The following ARHGAP6 variants were observed in gnomAD, a reference collection of about 807,000 sequenced individuals.
ARHGAP6 encodes the protein rho GTPase-activating protein 6.
ARHGAP6 carries 16 observed loss-of-function variants against 55.7 expected under a neutral mutation model. The ratio of observed to expected loss-of-function variants is 0.29; its 90% CI spans 0.19 to 0.44. The LOEUF is 0.44. ARHGAP6 is among the 20% of genes least tolerant of loss of function. The pLI is 1.00. For synonymous variants in ARHGAP6, 382 were observed against 360.9 expected (o/e 1.06, Z -0.66); for missense variants, 698 against 808.9 (o/e 0.86, Z 1.66).
Position 11,139,293 on chromosome X carries a change from C to T in ARHGAP6, c.2495G>A (p.Arg832Gln), listed in dbSNP as rs946985630. 8.4e-6 allele frequency: 10 copies of T among 1,186,167 alleles called. No homozygotes were observed. The highest frequency in any genetic ancestry group is 1.8e-5 in the African/African-American group (1 of 56,973). Reference protein sequence around the residue: ...PHVQVAGKAERPTARSEQYLT... With the variant: ...PHVQVAGKAEQPTARSEQYLT... The stretch of plus-strand genomic sequence containing the variant: ...GTACTGCTCCGACCTGGCCGTGGGC[C>T]GCTCGGCTTTCCCTGCCACCTGGAC... The change falls in exon 13 of 13, where the codon CGG (arginine) becomes CAG (glutamine). Residue 832 changes from arginine (R) to glutamine (Q), a missense_variant. Arg to Gln is a conservative substitution (Grantham distance 43). This residue lies in a region of ARHGAP6 where 212 missense variants were observed against 208.7 expected (regional missense o/e 1.02). Coordinates refer to ENST00000337414, the MANE Select transcript of ARHGAP6 (RefSeq NM_013427.3).
intron 1 of ARHGAP6, among the ~76,000 whole-genome samples, chrX:11,355,965 T>C (rs2048925643): frequency 1.8e-5 from 2 of 111,735 alleles, no homozygotes; most frequent in Non-Finnish European, 3.8e-5. Context: ...CTAGTCCTAT[T>C]CTAATGACAA....
At chrX:11,482,444 G>A (rs779977825) in intron 1 of ARHGAP6, among the ~76,000 whole-genome samples, 2 of 111,593 alleles carry the variant, frequency 1.8e-5, no homozygotes, top group Non-Finnish European at 3.8e-5. Flanking sequence ...TAATGAGTTT[G>A]GGGAATGTGC....
At chrX:11,277,957 G>C (rs1335431003) in intron 1 of ARHGAP6, among the ~76,000 whole-genome samples, 1 of 111,298 alleles carries the variant, frequency 9.0e-6, no homozygotes, top group African/African-American at 3.3e-5. Context: ...TGTCCTCTTT[G>C]ATTTTATTGC....
intron 1 of ARHGAP6, among the ~76,000 whole-genome samples, chrX:11,537,345 G>C (rs183192898): frequency 8.9e-6 from 1 of 111,859 alleles, no homozygotes; most frequent in Non-Finnish European, 1.9e-5. Flanking sequence ...GACCAAGGTT[G>C]TTGTGAACAT....
chrX:11,588,919 T>A (rs144894193), intron 1 of ARHGAP6, among the ~76,000 whole-genome samples: 1,516 of 112,138 alleles, frequency 0.014, 24 homozygotes, highest in African/African-American at 0.046. Context: ...AATTTTGTGC[T>A]ATGTGGATTA....
chrX:11,280,694 C>T (rs1456068120), intron 1 of ARHGAP6, among the ~76,000 whole-genome samples: 3 of 95,545 alleles, frequency 3.1e-5, no homozygotes, highest in Non-Finnish European at 2.0e-5. Context: ...GCAGTCAAGA[C>T]ATGATTGTAC....
At chrX:11,543,497 G>GCCA (rs752790835) in intron 1 of ARHGAP6, among the ~76,000 whole-genome samples, 9 of 112,094 alleles carry the variant, frequency 8.0e-5, no homozygotes, top group Non-Finnish European at 1.5e-4. Context: ...GCATGCAACA[G>GCCA]CCACCACCAC....
intron 1 of ARHGAP6, among the ~76,000 whole-genome samples, chrX:11,431,198 T>C (rs2049937695): frequency 8.9e-6 from 1 of 112,200 alleles, no homozygotes; most frequent in Non-Finnish European, 1.9e-5. Flanking sequence ...TGTTTATCAT[T>C]CACCCCAGAG....
intron 1 of ARHGAP6, among the ~76,000 whole-genome samples, chrX:11,529,435 C>A (rs1399544188): frequency 8.9e-6 from 1 of 111,834 alleles, no homozygotes; most frequent in African/African-American, 3.3e-5. Context: ...GAAACACAAG[C>A]CCAGTTTTAA....
At chrX:11,448,774 T>C (rs1302203328) in intron 1 of ARHGAP6, among the ~76,000 whole-genome samples, 1 of 111,215 alleles carries the variant, frequency 9.0e-6, no homozygotes, top group Non-Finnish European at 1.9e-5. Context: ...TCATCTTAGC[T>C]CTTTCTCTGA....
At chrX:11,326,233 A>G (rs1274051397) in intron 1 of ARHGAP6, among the ~76,000 whole-genome samples, 2 of 108,766 alleles carry the variant, frequency 1.8e-5, no homozygotes, top group African/African-American at 6.7e-5. Context: ...GGTTCAACCA[A>G]TTCTCCTGCC....
At chrX:11,273,692 C>T (rs1435319777) in intron 1 of ARHGAP6, among the ~76,000 whole-genome samples, 2 of 110,379 alleles carry the variant, frequency 1.8e-5, no homozygotes, top group African/African-American at 6.6e-5. Flanking sequence ...AAATTACAAC[C>T]CATTAGCAAC....
chrX:11,485,162 A>G (rs2050499080), intron 1 of ARHGAP6, among the ~76,000 whole-genome samples: 1 of 112,798 alleles, frequency 8.9e-6, no homozygotes, highest in South Asian at 3.6e-4. Context: ...CCTGTCTGGA[A>G]GTTCACAGCC....
chrX:11,157,899 C>T (rs999544692), intron 9 of ARHGAP6, among the ~76,000 whole-genome samples: 13 of 112,057 alleles, frequency 1.2e-4, no homozygotes, highest in East Asian at 2.8e-4. Context: ...CTTCTAATCA[C>T]GCAAGCTCAA....
chrX:11,578,946 C>T (rs758810084), intron 1 of ARHGAP6, among the ~76,000 whole-genome samples: 1 of 106,264 alleles, frequency 9.4e-6, no homozygotes, highest in South Asian at 4.2e-4. Context: ...AACCAAACAA[C>T]GCATGTTTTC....
intron 2 of ARHGAP6, among the ~76,000 whole-genome samples, chrX:11,247,542 G>A (rs1302896628): frequency 8.9e-6 from 1 of 112,053 alleles, no homozygotes; most frequent in African/African-American, 3.2e-5. Flanking sequence ...ACTCAACTCT[G>A]ACATTGAGTG....
At chrX:11,632,294 A>C (rs2052369214) in intron 1 of ARHGAP6, among the ~76,000 whole-genome samples, 1 of 112,357 alleles carries the variant, frequency 8.9e-6, no homozygotes, top group Non-Finnish European at 1.9e-5. Context: ...CAGCTTAATC[A>C]ATTGTTGAAG....
rs768035217 is a variant in ARHGAP6 at position 11,254,535 on chromosome X, G to A, written c.748+13C>T. 1.7e-6 allele frequency: 2 copies of A among 1,206,666 alleles called. No homozygotes were observed. The highest frequency in any genetic ancestry group is 2.2e-6 in the Non-Finnish European group (2 of 893,191). On this transcript the variant is annotated intron_variant, in intron 2 of 12. Transcript: ENST00000337414. ...TGCAGTGTTCCCCGGCAGAAAGGCA[G>A]AAGAGGCCTTACCTTTGGGAATGGT... is the stretch of plus-strand genomic sequence containing the variant.
At chrX:11,479,876 C>T (rs887115004) in intron 1 of ARHGAP6, among the ~76,000 whole-genome samples, 2 of 111,384 alleles carry the variant, frequency 1.8e-5, no homozygotes, top group Admixed American at 1.9e-4. Flanking sequence ...TCTGCCTTTA[C>T]ATTTGCAAAT....
Sources: gnomAD v4.1 joint callset for allele counts (sites outside exome capture counted in the v4.1 genomes callset) on GRCh38, gnomAD v4.1.1 for gene constraint, gnomAD v4.1.1 regional missense constraint, MANE v1.5 for transcripts, NCBI Gene and HGNC (gene_info 2026-07-23, HGNC 2026-07-21) for gene names.